The following SLC29A4 variants were observed in gnomAD, a reference collection of about 807,000 sequenced individuals.
SLC29A4 encodes equilibrative nucleoside transporter 4.
Under a neutral mutation model 43.9 loss-of-function variants are expected in SLC29A4, and 36 were observed. The ratio of observed to expected loss-of-function variants is 0.82; its 90% CI spans 0.63 to 1.08. SLC29A4 has a LOEUF of 1.08. SLC29A4 is among the 50% of genes least tolerant of loss of function. SLC29A4 has a pLI of 0.00. For missense variants in SLC29A4, 869 were observed against 755.3 expected, an observed-to-expected ratio of 1.15 and a Z score of -1.77; for synonymous variants, 491 against 338.0, an observed-to-expected ratio of 1.45 and a Z score of -4.97.
intron 1 of SLC29A4, among the ~76,000 whole-genome samples, chr7:5,286,055 G>GT (rs1392640657): frequency 6.6e-6 from 1 of 152,056 alleles, no homozygotes; most frequent in Non-Finnish European, 1.5e-5. Context: ...CTCTGGGCCT[G>GT]TGGGACCCCA....
At position 5,304,085 on chromosome 7, in the gene SLC29A4, G is replaced by A. The variant is rs1379488579; in HGVS notation, c.*1146G>A. The A allele has an allele frequency of 6.6e-6, 1 of 152,396 alleles. No individual in the cohort carries two copies. The highest frequency in any genetic ancestry group is 1.5e-5 in the Non-Finnish European group (1 of 68,156). 9.4% of individuals were successfully genotyped at this position (152,396 alleles called of 1,614,324 possible). On this transcript the variant is annotated 3_prime_UTR_variant, in exon 11 of 11. Transcript: ENST00000396872. ...ACCGCCGCCTGCAAGCAGAGTTTGT[G>A]CGTGGACGGGGGCTGGGACTGCCAT...
rs1785066817 is a variant in SLC29A4 at position 5,287,985 on chromosome 7, A to G, written c.169A>G (p.Thr57Ala). ...ARGVPAFTDT[T>A]LDEPVPDDRY... is the part of the protein sequence containing the mutation. ...GGGCGTCCCAGCTTTCACGGATACT[A>G]GTAAGTAGGCGTGCGGGCAAGGTGC... Residue 57 changes from threonine to alanine, a missense_variant and splice_region_variant, in exon 2 of 11, where the codon ACA becomes GCA. Coordinates refer to ENST00000396872, the MANE Select transcript of SLC29A4 (RefSeq NM_153247.4). 3 of 1,606,326 alleles carry G rather than the reference A, an allele frequency of 1.9e-6. No homozygotes were observed. Among genetic ancestry groups the G allele is most frequent in the Non-Finnish European group, 1.7e-6 (2 of 1,177,440 alleles).
In SLC29A4 at chr7:5,286,238, T is replaced by C. The variant is rs1172754240; in HGVS notation, c.-8-1571T>C. Among the ~76,000 whole-genome samples the C allele has an allele frequency of 4.0e-5, 6 of 151,866 alleles. No individual in the cohort carries two copies. In the South Asian group the frequency reaches 6.2e-4, roughly 16 times the overall value. ...ATGAATACACGTTATTAGAAAAAAA[T>C]CATAGGCTGGATGTGGTGGCTCAGG... On this transcript the variant is annotated intron_variant, in intron 1 of 10. Coordinates refer to ENST00000396872, the MANE Select transcript of SLC29A4 (RefSeq NM_153247.4).
intron 7 of SLC29A4, among the ~76,000 whole-genome samples, chr7:5,298,723 C>T (rs1785894542): frequency 6.6e-6 from 1 of 152,068 alleles, no homozygotes; most frequent in South Asian, 2.1e-4. Context: ...TTGCCTGAGC[C>T]CAGGAAGTTG....
chr7:5,289,993 C>G (rs1332365391), intron 2 of SLC29A4, among the ~76,000 whole-genome samples: 1 of 152,070 alleles, frequency 6.6e-6, no homozygotes, highest in Admixed American at 6.6e-5. Flanking sequence ...TCAAATGATT[C>G]TCCTGCCTCA....
Position 5,300,561 on chromosome 7 carries a change from G to A in SLC29A4, c.1349G>A (p.Cys450Tyr). Residue 450 changes from cysteine (C) to tyrosine (Y), a missense_variant, in exon 10 of 11, where the codon TGC becomes TAC. Transcript: ENST00000396872. ...MPALRHPAWP[C>Y]IFSLLMGISN... ...GCCCTCCGTCACCCCGCCTGGCCCT[G>A]CATCTTCTCACTGCTCATGGGCATC... 1 of 1,612,386 alleles carries A rather than the reference G, an allele frequency of 6.2e-7. No individual in the cohort carries two copies. Among genetic ancestry groups the A allele is most frequent in the Non-Finnish European group, 8.5e-7 (1 of 1,179,714 alleles).
At chr7:5,294,681 C>G (rs1785528752) in intron 5 of SLC29A4, among the ~76,000 whole-genome samples, 179 bp from the exon 6 acceptor site, 1 of 152,164 alleles carries the variant, frequency 6.6e-6, no homozygotes, top group Admixed American at 6.5e-5. Context: ...ATGACCCTGG[C>G]TGACCCCAAG....
chr7:5,297,180 C>T lies in SLC29A4; in HGVS notation c.864C>T (p.Val288=), dbSNP rs745499072. 9.2e-5 allele frequency: 147 copies of T among 1,592,210 alleles called. No homozygotes were observed. The Middle Eastern group carries it at 1.2e-3, about 13-fold the overall frequency. The change falls in exon 7 of 11, where the codon GTC becomes GTT. Residue 288 remains valine (V), a synonymous_variant. Transcript: ENST00000396872. ...GCTACCGCGTGCACCACGACGTTGT[C>T]GCCGGGGACGTCCACTTCGTAAGTG... ...GYGYRVHHDV[V]AGDVHFEHPA...
chr7:5,295,633 G>C (rs147689817), intron 6 of SLC29A4, among the ~76,000 whole-genome samples: 1 of 152,196 alleles, frequency 6.6e-6, no homozygotes, highest in African/African-American at 2.4e-5. Flanking sequence ...GGACTGGCCC[G>C]GGGTCAGTGC....
intron 9 of SLC29A4, among the ~76,000 whole-genome samples, chr7:5,299,704 C>T (rs1281324921): frequency 2.0e-5 from 3 of 152,218 alleles, no homozygotes; most frequent in Admixed American, 6.5e-5. Context: ...TGGGGATGAG[C>T]ACAGGAGGAT....
chr7:5,284,032 A>ACC (rs79051188), intron 1 of SLC29A4, among the ~76,000 whole-genome samples: 1,713 of 72,126 alleles, frequency 0.024, 108 homozygotes, highest in African/African-American at 0.063. Flanking sequence ...GAGCTGCACG[A>ACC]CCCCCCCCCC....
intron 7 of SLC29A4, 38 bp from the exon 8 acceptor site, chr7:5,298,950 T>C (rs769866801): frequency 1.3e-6 from 2 of 1,593,248 alleles, no homozygotes; most frequent in South Asian, 1.1e-5. Flanking sequence ...CTGTCCTCCC[T>C]TCCACTCCAA....
At chr7:5,298,908 C>A in intron 7 of SLC29A4, 80 bp from the exon 8 acceptor site, 1 of 1,515,094 alleles carries the variant, frequency 6.6e-7, no homozygotes, top group Non-Finnish European at 8.9e-7. Flanking sequence ...TGCGGCTCTT[C>A]TGATTGGGCC....
chr7:5,286,936 C>A (rs749814475), intron 1 of SLC29A4, among the ~76,000 whole-genome samples: 1 of 152,250 alleles, frequency 6.6e-6, no homozygotes, highest in East Asian at 1.9e-4. Context: ...TCACCTGTTA[C>A]TTCCAACTGC....
intron 6 of SLC29A4, 116 bp from the exon 7 acceptor site, chr7:5,296,820 G>A (rs1222548334): frequency 8.3e-7 from 1 of 1,211,108 alleles, no homozygotes; most frequent in Non-Finnish European, 1.1e-6. Context: ...GGCAGGGCCT[G>A]TGGTGGAGGG....
rs1208094218 is a variant in SLC29A4, at chr7:5,297,019, T to A, written c.703T>A (p.Phe235Ile). Residue 235 changes from phenylalanine to isoleucine, a missense_variant, in exon 7 of 11, where the codon TTC becomes ATC. Physicochemically the swap from Phe to Ile is conservative, Grantham distance 21 (BLOSUM62 0). Coordinates refer to ENST00000396872, the MANE Select transcript of SLC29A4 (RefSeq NM_153247.4). ...CGAGCGCGCCAGCACGCTCATCTTC[T>A]TCCTGGTGTCGGTGGCGCTGGAGCT... ...PDERASTLIF[F>I]LVSVALELLC... 3 of 1,606,036 alleles carry A rather than the reference T, an allele frequency of 1.9e-6. No homozygotes were observed. Among genetic ancestry groups the A allele is most frequent in the Non-Finnish European group, 2.5e-6 (3 of 1,179,602 alleles).
At chr7:5,289,493 A>G (rs2128087505) in intron 2 of SLC29A4, among the ~76,000 whole-genome samples, 1 of 152,248 alleles carries the variant, frequency 6.6e-6, no homozygotes, top group South Asian at 2.1e-4. Context: ...CACGGGCAGG[A>G]GCTTCTTGGA....
At position 5,296,965 on chromosome 7, in the gene SLC29A4, C is replaced by T. The variant is rs746231182; in HGVS notation, c.649C>T (p.Arg217Cys). Residue 217 changes from arginine to cysteine, a missense_variant, in exon 7 of 11, where the codon CGC (arginine) becomes TGC (cysteine). Coordinates refer to ENST00000396872, the MANE Select transcript of SLC29A4 (RefSeq NM_153247.4). ...STAGVMISLS[R>C]ILTKLLLPDE... ...GGCGGGCGTGATGATCTCTCTGAGC[C>T]GCATCCTCACGAAGCTGCTGCTGCC... 3 of 1,598,508 alleles carry T rather than the reference C, an allele frequency of 1.9e-6. No individual in the cohort carries two copies. The highest frequency in any genetic ancestry group is 8.5e-7 in the Non-Finnish European group (1 of 1,178,684).
At chr7:5,300,699 C>A in intron 10 of SLC29A4, 37 bp downstream of exon 10, 1 of 1,594,678 alleles carries the variant, frequency 6.3e-7, no homozygotes. Flanking sequence ...GGGCGTCCTC[C>A]CAGCAGCGCA....
Sources: gnomAD v4.1 joint callset for allele counts (sites outside exome capture counted in the v4.1 genomes callset) on GRCh38, gnomAD v4.1.1 for gene constraint, MANE v1.5 for transcripts, NCBI Gene and HGNC (gene_info 2026-07-23, HGNC 2026-07-21) for gene names.